NOL4: variants seen among roughly 807,000 people sequenced by gnomAD.
The protein encoded by NOL4 is cancer/testis antigen 125.
A neutral mutation model predicts 75.9 loss-of-function variants in NOL4; 17 were observed. The observed-to-expected ratio is 0.22, with a 90% confidence interval of 0.15 to 0.34. The LOEUF (loss-of-function observed/expected upper bound fraction) is 0.34, where lower values mean the gene tolerates loss of function less well. NOL4 is among the 10% of genes least tolerant of loss of function. NOL4 has a pLI of 1.00. For missense variants in NOL4, 614 were observed against 793.5 expected (o/e 0.77, Z 2.72); for synonymous variants, 292 against 289.9 (o/e 1.01, Z -0.07).
rs1383826077 is a variant in NOL4 at position 34,194,453 on chromosome 18, AAGGAAGGC to A, written c.264+28529_264+28536del. 2.0e-3 allele frequency among the ~76,000 whole-genome samples: 299 copies of A among 147,124 alleles called. 1 individual carries two copies. The highest frequency in any genetic ancestry group is 0.01 in the Middle Eastern group (3 of 292). On this transcript the variant is annotated intron_variant, in intron 1 of 10. Coordinates refer to ENST00000261592, the MANE Select transcript of NOL4 (RefSeq NM_003787.5). ...GAAGGAAGGAAGGAAGGAAGGAAGG[AAGGAAGGC>A]AGGCAGGCAGGCAGGCAGGCAGGCA...
At position 33,943,129 on chromosome 18, in the gene NOL4, A is replaced by G; in HGVS notation, c.1478T>C (p.Leu493Ser). Residue 493 changes from leucine to serine, a missense_variant, in exon 9 of 11, where the codon TTG becomes TCG. Around this residue, in one of 9 missense-constraint regions of NOL4, gnomAD observed 52 missense variants for 121.1 expected, o/e 0.43. Coordinates refer to ENST00000261592, the MANE Select transcript of NOL4 (RefSeq NM_003787.5). ...HLTSAVAESI[L>S]ASACESESRN... The stretch of plus-strand genomic sequence containing the variant: ...ACTCTCACTCTCACAAGCTGAAGCC[A>G]AGATACTCTCTGCAACTGCTGAAGT... The G allele has an allele frequency of 1.2e-6, 2 of 1,611,742 alleles. No individual in the cohort carries two copies. Among genetic ancestry groups the G allele is most frequent in the African/African-American group, 2.7e-5 (2 of 74,798 alleles).
At chr18:34,130,210 G>T (rs1355422483) in intron 1 of NOL4, among the ~76,000 whole-genome samples, 190 bp from the exon 2 acceptor site, 1 of 151,986 alleles carries the variant, frequency 6.6e-6, no homozygotes, top group Non-Finnish European at 1.5e-5. Flanking sequence ...GGAAAAACAT[G>T]AGAGAAGACA....
At chr18:34,065,953 A>G (rs1056842154) in intron 5 of NOL4, among the ~76,000 whole-genome samples, 3 of 152,110 alleles carry the variant, frequency 2.0e-5, no homozygotes, top group Admixed American at 1.3e-4. Flanking sequence ...AATAAATGGC[A>G]TATAGTTATT....
chr18:34,212,492 T>C (rs1568455734), intron 1 of NOL4, among the ~76,000 whole-genome samples: 1 of 152,236 alleles, frequency 6.6e-6, no homozygotes, highest in Non-Finnish European at 1.5e-5. Context: ...ATCAGTTCCA[T>C]TTTATGGTGT....
Position 33,964,712 on chromosome 18 carries a change from ACATGACCTC to A in NOL4, c.1057-6303_1057-6295del, listed in dbSNP as rs2070441510. On this transcript the variant is annotated intron_variant, in intron 6 of 10. Transcript: ENST00000261592. Reference sequence around the variant, plus strand: ...TGTAGGCCCAGCAATCTGTGTTTTAACATGACCTCCATGAGATTCTGAGGCACAGTCAAG... The same window carrying A: ...TGTAGGCCCAGCAATCTGTGTTTTAACATGAGATTCTGAGGCACAGTCAAG... Among the ~76,000 whole-genome samples, 5 of 152,274 alleles carry A rather than the reference ACATGACCTC, an allele frequency of 3.3e-5. No homozygotes were observed. In the South Asian group the frequency reaches 1.0e-3, roughly 32 times the overall value.
At chr18:34,036,939 T>A (rs913829637) in intron 5 of NOL4, among the ~76,000 whole-genome samples, 1 of 151,962 alleles carries the variant, frequency 6.6e-6, no homozygotes, top group Non-Finnish European at 1.5e-5. Context: ...CTTAAAAAAA[T>A]AAATAAATAA....
intron 10 of NOL4, among the ~76,000 whole-genome samples, chr18:33,875,328 A>C (rs1487880824): frequency 1.3e-5 from 2 of 151,958 alleles, no homozygotes; most frequent in African/African-American, 2.4e-5. Flanking sequence ...AATTTGAATA[A>C]ATTCTTTATA....
intron 8 of NOL4, among the ~76,000 whole-genome samples, chr18:33,950,223 T>A (rs577099831): frequency 4.6e-5 from 7 of 151,982 alleles, no homozygotes; most frequent in Non-Finnish European, 1.0e-4. Flanking sequence ...AAGTGTAATT[T>A]TTTTTTAACA....
At chr18:34,118,079 A>G (rs758007428) in intron 2 of NOL4, among the ~76,000 whole-genome samples, 3 of 152,222 alleles carry the variant, frequency 2.0e-5, no homozygotes, top group Non-Finnish European at 4.4e-5. Flanking sequence ...TCAGATACTG[A>G]ACTTTAGAGC....
intron 6 of NOL4, among the ~76,000 whole-genome samples, chr18:33,979,112 G>A (rs1323134472): frequency 6.6e-6 from 1 of 152,014 alleles, no homozygotes; most frequent in Non-Finnish European, 1.5e-5. Context: ...GTTGATTGTA[G>A]AGCTTTGGTT....
intron 5 of NOL4, among the ~76,000 whole-genome samples, chr18:34,065,042 GATTT>G (rs1445546908): frequency 1.3e-5 from 2 of 151,446 alleles, no homozygotes; most frequent in Non-Finnish European, 3.0e-5. Flanking sequence ...AAATGTTTTG[GATTT>G]ATTAAAGCAA....
At chr18:34,147,439 T>G (rs2081449626) in intron 1 of NOL4, among the ~76,000 whole-genome samples, 1 of 152,210 alleles carries the variant, frequency 6.6e-6, no homozygotes, top group South Asian at 2.1e-4. Flanking sequence ...GTGTTAAATT[T>G]TATCAAAGGC....
At chr18:34,192,182 G>C (rs1385459646) in intron 1 of NOL4, among the ~76,000 whole-genome samples, 2 of 152,110 alleles carry the variant, frequency 1.3e-5, no homozygotes, top group Non-Finnish European at 2.9e-5. Context: ...GAGATTTACT[G>C]CTTCTTTAGT....
intron 1 of NOL4, among the ~76,000 whole-genome samples, chr18:34,209,004 G>A (rs924953293): frequency 2.6e-5 from 4 of 151,994 alleles, no homozygotes; most frequent in South Asian, 2.1e-4. Context: ...GAGGTCAGGA[G>A]TTCGAGACCA....
At chr18:34,104,583 A>G (rs1038645995) in intron 3 of NOL4, among the ~76,000 whole-genome samples, 1 of 152,018 alleles carries the variant, frequency 6.6e-6, no homozygotes, top group East Asian at 1.9e-4. Context: ...TGAGACTGAT[A>G]TAATCTCTGA....
intron 9 of NOL4, among the ~76,000 whole-genome samples, chr18:33,930,527 C>T (rs891795831): frequency 6.6e-6 from 1 of 152,130 alleles, no homozygotes; most frequent in Non-Finnish European, 1.5e-5. Context: ...CACCTTACTA[C>T]ACAGTACCAG....
intron 6 of NOL4, among the ~76,000 whole-genome samples, chr18:33,972,192 T>G (rs987474002): frequency 6.6e-6 from 1 of 151,724 alleles, no homozygotes; most frequent in Non-Finnish European, 1.5e-5. Flanking sequence ...AAACAAAAAT[T>G]TAGTCCAAAG....
At position 34,223,284 on chromosome 18, in the gene NOL4, TC is replaced by T; in HGVS notation, c.-32del. 1 of 1,607,846 alleles carries T rather than the reference TC, an allele frequency of 6.2e-7. No individual in the cohort carries two copies. The highest frequency in any genetic ancestry group is 8.5e-7 in the Non-Finnish European group (1 of 1,178,290). On this transcript the variant is annotated 5_prime_UTR_variant, in exon 1 of 11. Transcript: ENST00000261592. ...CCGCGCTCGGCCGCTGGCCGGATGC[TC>T]CCAGCGCACTTCGCACCTGTTCACC...
At chr18:33,909,865 C>A (rs1448502390) in intron 9 of NOL4, among the ~76,000 whole-genome samples, 1 of 151,778 alleles carries the variant, frequency 6.6e-6, no homozygotes, top group Non-Finnish European at 1.5e-5. Context: ...GCAGTGATAA[C>A]CATTAATAAT....
Sources: gnomAD v4.1 joint callset for allele counts (sites outside exome capture counted in the v4.1 genomes callset) on GRCh38, gnomAD v4.1.1 for gene constraint, gnomAD v4.1.1 regional missense constraint, MANE v1.5 for transcripts, NCBI Gene and HGNC (gene_info 2026-07-23, HGNC 2026-07-21) for gene names.